LIPM: variants seen among roughly 807,000 people sequenced by gnomAD.
LIPM encodes the protein lipase family member M.
Under a neutral mutation model 42.4 loss-of-function variants are expected in LIPM, and 42 were observed. The ratio of observed to expected loss-of-function variants is 0.99; its 90% CI spans 0.77 to 1.28. The LOEUF (loss-of-function observed/expected upper bound fraction) is 1.28. LIPM is among the 50% of genes most tolerant of loss of function. The pLI is 0.00. For missense variants in LIPM, 524 were observed against 520.1 expected, an observed-to-expected ratio of 1.01 and a Z score of -0.07; for synonymous variants, 177 against 173.3, an observed-to-expected ratio of 1.02 and a Z score of -0.17.
At chr10:88,804,386 GC>G (rs1276164201) in intron 1 of LIPM, among the ~76,000 whole-genome samples, 1 of 152,192 alleles carries the variant, frequency 6.6e-6, no homozygotes, top group African/African-American at 2.4e-5. Context: ...ATTGGGCTCT[GC>G]CTTTAAGCAG....
At position 88,820,384 on chromosome 10, in the gene LIPM, T is replaced by C. The variant is rs1843774021; in HGVS notation, c.1155T>C (p.Ala385=). The C allele has an allele frequency of 5.2e-6, 8 of 1,552,180 alleles. No homozygotes were observed. Among genetic ancestry groups the C allele is most frequent in the Non-Finnish European group, 7.0e-6 (8 of 1,147,138 alleles). The part of the protein sequence containing the change: ...LIYHKNIPEW[A]HVDFIWGLDA... ...ACCATAAGAATATTCCTGAATGGGC[T>C]CACGTGGATTTCATCTGGGGTTTGG... The change falls in exon 9 of 9, where the codon GCT becomes GCC. Residue 385 remains alanine (A), a synonymous_variant. Transcript: ENST00000404743.
chr10:88,818,957 G>A (rs985120898), intron 8 of LIPM, among the ~76,000 whole-genome samples: 6 of 152,012 alleles, frequency 3.9e-5, no homozygotes, highest in South Asian at 2.1e-4. Context: ...GCGCAGTCTC[G>A]GCTCACTGAA....
chr10:88,817,027 G>C, intron 7 of LIPM, 140 bp downstream of exon 7: 1 of 688,210 alleles, frequency 1.5e-6, no homozygotes, highest in Non-Finnish European at 2.5e-6. Flanking sequence ...ATGCTATTTT[G>C]ATGGAGAATT....
intron 3 of LIPM, 52 bp downstream of exon 3, chr10:88,813,347 AT>A: frequency 4.3e-6 from 6 of 1,382,192 alleles, no homozygotes; most frequent in Non-Finnish European, 5.8e-6. Context: ...TTCAAAAAAA[AT>A]GGGTAAAAAA....
chr10:88,819,427 G>C (rs1018012080), intron 8 of LIPM, among the ~76,000 whole-genome samples: 3 of 152,046 alleles, frequency 2.0e-5, no homozygotes, highest in Non-Finnish European at 4.4e-5. Context: ...ATCCAAATTA[G>C]GCCATAACTG....
At chr10:88,810,078 T>C (rs1307977035) in intron 2 of LIPM, among the ~76,000 whole-genome samples, 1 of 152,216 alleles carries the variant, frequency 6.6e-6, no homozygotes, top group Non-Finnish European at 1.5e-5. Flanking sequence ...CTATTGTCTG[T>C]CTCCCCCCAG....
At position 88,816,835 on chromosome 10, in the gene LIPM, C is replaced by T; in HGVS notation, c.878C>T (p.Ala293Val). The change falls in exon 7 of 9, where the codon GCT (alanine) becomes GTT (valine). Residue 293 changes from alanine to valine, a missense_variant. Transcript: ENST00000404743. ...TTACAGAGCCGAGCAAGTGTATATG[C>T]TGCCCACACTCTTGCTGGAACATCT... is the stretch of plus-strand genomic sequence containing the variant. ...NMNMSRASVYAAHTLAGTSVQ... is the reference protein window; with the variant it reads ...NMNMSRASVYVAHTLAGTSVQ... 6.4e-7 allele frequency: 1 copy of T among 1,551,380 alleles called. No homozygotes were observed.
intron 7 of LIPM, among the ~76,000 whole-genome samples, chr10:88,817,343 T>C (rs1370911340): frequency 6.6e-6 from 1 of 152,226 alleles, no homozygotes; most frequent in Non-Finnish European, 1.5e-5. Context: ...TGTGTGTCTA[T>C]GTGGTGTGTG....
At chr10:88,813,027 T>C (rs985731363) in intron 2 of LIPM, 70 bp from the exon 3 acceptor site, 24 of 1,287,708 alleles carry the variant, frequency 1.9e-5, no homozygotes, top group Non-Finnish European at 2.6e-5. Flanking sequence ...ATTTGAAAGC[T>C]CTTATTCATT....
At position 88,814,635 on chromosome 10, in the gene LIPM, C is replaced by T; in HGVS notation, c.570C>T (p.Thr190=). 1 of 1,550,706 alleles carries T rather than the reference C, an allele frequency of 6.4e-7. No individual in the cohort carries two copies. The highest frequency in any genetic ancestry group is 8.7e-7 in the Non-Finnish European group (1 of 1,145,948). ...ATGTCGGCTATTCACAGGGCACCAC[C>T]ATGGGTAGGTTCAAAGAAAAGCAGG... ...IYYVGYSQGT[T]MGFIAFSTMP... The change falls in exon 4 of 9, where the codon ACC becomes ACT. Residue 190 remains threonine (T), a synonymous_variant. Coordinates refer to ENST00000404743, the MANE Select transcript of LIPM (RefSeq NM_001128215.1).
chr10:88,810,935 A>G (rs1036232218), intron 2 of LIPM, among the ~76,000 whole-genome samples: 1 of 152,204 alleles, frequency 6.6e-6, no homozygotes, highest in Non-Finnish European at 1.5e-5. Flanking sequence ...CTCCCTGAGA[A>G]CTAAGAGGAT....
Position 88,802,866 on chromosome 10 carries a change from G to GC in LIPM, c.-31_-30insC. On this transcript the variant is annotated 5_prime_UTR_variant, in exon 1 of 9. Transcript: ENST00000404743. ...TTACTTTAGAATTAGTTGTTACATT[G>GC]GCAGGAAAAAATAAATGCAGATGTT... is the stretch of plus-strand genomic sequence containing the variant. 4 of 1,516,372 alleles carry GC rather than the reference G, an allele frequency of 2.6e-6. No homozygotes were observed. Among genetic ancestry groups the GC allele is most frequent in the Non-Finnish European group, 3.5e-6 (4 of 1,132,656 alleles). 93.9% of individuals were successfully genotyped at this position (1,516,372 alleles called of 1,614,324 possible).
At position 88,803,019 on chromosome 10, in the gene LIPM, G is replaced by T; in HGVS notation, c.123G>T (p.Val41=). 1 of 1,550,768 alleles carries T rather than the reference G, an allele frequency of 6.4e-7. No homozygotes were observed. ...CAGTACATATGCCAACTAAAGCTGT[G>T]GACCCAGAAGCATTCATGAATATTG... ...VNSVHMPTKA[V]DPEAFMNISE... The change falls in exon 1 of 9, where the codon GTG becomes GTT. Residue 41 remains valine (V), a synonymous_variant. Coordinates refer to ENST00000404743, the MANE Select transcript of LIPM (RefSeq NM_001128215.1).
At chr10:88,820,171 T>C (rs1012397473) in intron 8 of LIPM, 61 bp from the exon 9 acceptor site, 4 of 1,365,170 alleles carry the variant, frequency 2.9e-6, no homozygotes, top group Admixed American at 2.3e-5. Flanking sequence ...ATTTGAAACA[T>C]AAATTATGAG....
chr10:88,810,816 A>G (rs1220142959), intron 2 of LIPM, among the ~76,000 whole-genome samples: 1 of 152,164 alleles, frequency 6.6e-6, no homozygotes, highest in Non-Finnish European at 1.5e-5. Flanking sequence ...AACAAACTAT[A>G]TGACTAAGTA....
In LIPM at chr10:88,817,821, T is replaced by C; in HGVS notation, c.931-4T>C. ...ATTCCTTGTAAATTTTTGTCTCCTT[T>C]TAGGCAGTGAATTCTGGTGAACTCC... is the stretch of plus-strand genomic sequence containing the variant. On this transcript the variant is annotated splice_region_variant and splice_polypyrimidine_tract_variant and intron_variant, in intron 7 of 8. Coordinates refer to ENST00000404743, the MANE Select transcript of LIPM (RefSeq NM_001128215.1). 1 of 1,550,706 alleles carries C rather than the reference T, an allele frequency of 6.4e-7. No homozygotes were observed. The highest frequency in any genetic ancestry group is 8.7e-7 in the Non-Finnish European group (1 of 1,146,202).
intron 3 of LIPM, among the ~76,000 whole-genome samples, chr10:88,813,924 G>A (rs116873387): frequency 6.6e-6 from 1 of 152,018 alleles, no homozygotes; most frequent in Admixed American, 6.5e-5. Context: ...AACAGCACAG[G>A]GGAAACCACT....
rs114748658 is a variant in LIPM at position 88,817,519 on chromosome 10, G to A, written c.931-306G>A. 2.1e-3 allele frequency among the ~76,000 whole-genome samples: 320 copies of A among 152,248 alleles called. 1 individual carries two copies. The highest frequency in any genetic ancestry group is 7.2e-3 in the African/African-American group (301 of 41,536). ...ACCACATTGCACAATTCCAGGGCAC[G>A]ATTCCCCATTGTAGCCCACACAGTT... On this transcript the variant is annotated intron_variant, in intron 7 of 8. Transcript: ENST00000404743.
intron 8 of LIPM, 97 bp from the exon 9 acceptor site, chr10:88,820,135 C>A: frequency 9.7e-7 from 1 of 1,035,482 alleles, no homozygotes; most frequent in Non-Finnish European, 1.4e-6. Flanking sequence ...CCCTTCACCA[C>A]AACAGATGGC....
Sources: gnomAD v4.1 joint callset for allele counts (sites outside exome capture counted in the v4.1 genomes callset) on GRCh38, gnomAD v4.1.1 for gene constraint, MANE v1.5 for transcripts, NCBI Gene and HGNC (gene_info 2026-07-23, HGNC 2026-07-21) for gene names.